SORCS1: variants seen among roughly 807,000 people sequenced by gnomAD.
SORCS1 encodes the protein sortilin related VPS10 domain containing receptor 1.
SORCS1 carries 60 observed loss-of-function variants against 146.1 expected under a neutral mutation model. That is an observed-to-expected ratio of 0.41 (90% confidence interval 0.33 to 0.51). The LOEUF is 0.51. SORCS1 is among the 20% of genes least tolerant of loss of function. The pLI, the probability that SORCS1 is intolerant of heterozygous loss-of-function variation, is 0.21. For synonymous variants in SORCS1, 637 were observed against 584.0 expected, an observed-to-expected ratio of 1.09 and a Z score of -1.31; for missense variants, 1,352 against 1,487.6, an observed-to-expected ratio of 0.91 and a Z score of 1.50.
chr10:106,666,723 ATTTT>A (rs540831679), intron 17 of SORCS1, among the ~76,000 whole-genome samples: 3 of 142,288 alleles, frequency 2.1e-5, no homozygotes, highest in Non-Finnish European at 4.6e-5. Context: ...TGTGCAGTTA[ATTTT>A]TTTTTTTTTT....
chr10:106,894,979 G>A (rs7893347), intron 2 of SORCS1, among the ~76,000 whole-genome samples: 8,255 of 152,192 alleles, frequency 0.054, 604 homozygotes, highest in African/African-American at 0.16. Context: ...CAACATATTA[G>A]CTTTTTTCAT....
chr10:106,953,923 G>A (rs546973201), intron 2 of SORCS1, among the ~76,000 whole-genome samples: 37 of 152,252 alleles, frequency 2.4e-4, no homozygotes, highest in Non-Finnish European at 4.4e-4. Flanking sequence ...CAGGTCATTC[G>A]CGCCACACTT....
chr10:106,914,996 G>T (rs920736284), intron 2 of SORCS1, among the ~76,000 whole-genome samples: 2 of 152,184 alleles, frequency 1.3e-5, no homozygotes, highest in East Asian at 3.8e-4. Context: ...GACTGTGACT[G>T]GGGCAAGACA....
In SORCS1 at chr10:106,741,685, C is replaced by T. The variant is rs541758145; in HGVS notation, c.960-11571G>A. Among the ~76,000 whole-genome samples, 9 of 152,060 alleles carry T rather than the reference C, an allele frequency of 5.9e-5. No homozygotes were observed. The South Asian group carries it at 6.2e-4, about 11-fold the overall frequency. ...TCCTGACATTTCAACATCCTGCAAG[C>T]GTTAAGTGTATTGGCATACATGAGC... On this transcript the variant is annotated intron_variant, in intron 5 of 25. Coordinates refer to ENST00000263054, the MANE Select transcript of SORCS1 (RefSeq NM_052918.5).
chr10:107,033,227 G>A (rs570791989), intron 1 of SORCS1, among the ~76,000 whole-genome samples: 81 of 152,236 alleles, frequency 5.3e-4, no homozygotes, highest in African/African-American at 1.4e-3. Flanking sequence ...AGCAGATCTC[G>A]TGAGAACTCA....
At chr10:106,605,157 T>C (rs1221330766) in intron 23 of SORCS1, among the ~76,000 whole-genome samples, 2 of 152,244 alleles carry the variant, frequency 1.3e-5, no homozygotes, top group African/African-American at 4.8e-5. Context: ...CAATGACTGA[T>C]ACAGTCTGCC....
At chr10:106,589,706 A>G (rs901840686) in intron 24 of SORCS1, among the ~76,000 whole-genome samples, 1 of 151,620 alleles carries the variant, frequency 6.6e-6, no homozygotes, top group African/African-American at 2.4e-5. Flanking sequence ...CGAAAAAAAA[A>G]AAAAAAAAAA....
chr10:106,771,937 G>A (rs1029242816), intron 4 of SORCS1, among the ~76,000 whole-genome samples: 10 of 152,144 alleles, frequency 6.6e-5, no homozygotes, highest in Non-Finnish European at 1.2e-4. Flanking sequence ...TTTCCTTTCA[G>A]TCATTCTAGT....
At chr10:106,907,215 T>C (rs536914051) in intron 2 of SORCS1, among the ~76,000 whole-genome samples, 2 of 152,198 alleles carry the variant, frequency 1.3e-5, no homozygotes, top group Non-Finnish European at 2.9e-5. Context: ...ATCCCAGTAT[T>C]ACATACAGTA....
rs150944932 is a variant in SORCS1 at position 107,069,378 on chromosome 10, C to A, written c.558+94591G>T. The stretch of plus-strand genomic sequence containing the variant: ...ATTTTCTTTTCTTTTCCTTTTTTTT[C>A]TTTTTTCTTTTTTTTAGACGGAGTT... On this transcript the variant is annotated intron_variant, in intron 1 of 25. Coordinates refer to ENST00000263054, the MANE Select transcript of SORCS1 (RefSeq NM_052918.5). Among the ~76,000 whole-genome samples the A allele has an allele frequency of 3.7e-3, 554 of 151,354 alleles. 4 individuals carry two copies. Among genetic ancestry groups the A allele is most frequent in the African/African-American group, 0.012 (510 of 41,234 alleles).
At chr10:106,693,976 C>G (rs1239502884) in intron 9 of SORCS1, among the ~76,000 whole-genome samples, 1 of 151,848 alleles carries the variant, frequency 6.6e-6, no homozygotes, top group Non-Finnish European at 1.5e-5. Flanking sequence ...ATCCTAAGTG[C>G]CAAAATTTCA....
intron 1 of SORCS1, among the ~76,000 whole-genome samples, chr10:107,078,617 AT>A (rs1019953081): frequency 6.6e-6 from 1 of 151,972 alleles, no homozygotes; most frequent in African/African-American, 2.4e-5. Flanking sequence ...TCTTCTTTTC[AT>A]TTTTCTCCCA....
intron 2 of SORCS1, among the ~76,000 whole-genome samples, chr10:106,942,339 T>C (rs555409879): frequency 6.6e-6 from 1 of 152,310 alleles, no homozygotes; most frequent in Admixed American, 6.5e-5. Flanking sequence ...CAAGACCTCT[T>C]ATCTACCACT....
chr10:106,954,260 G>A (rs978625429), intron 2 of SORCS1, among the ~76,000 whole-genome samples: 1 of 152,084 alleles, frequency 6.6e-6, no homozygotes, highest in Non-Finnish European at 1.5e-5. Flanking sequence ...TACTTTATAT[G>A]GAAAATGCAC....
At chr10:106,700,281 T>G (rs754336839) in intron 8 of SORCS1, among the ~76,000 whole-genome samples, 4 of 152,144 alleles carry the variant, frequency 2.6e-5, no homozygotes, top group Non-Finnish European at 4.4e-5. Context: ...AGAAGTACAA[T>G]GGAAGCTACC....
intron 3 of SORCS1, among the ~76,000 whole-genome samples, chr10:106,796,028 T>C (rs1946537932): frequency 6.6e-6 from 1 of 152,220 alleles, no homozygotes; most frequent in South Asian, 2.1e-4. Flanking sequence ...AATCAAATTT[T>C]AGTGAATCAA....
At chr10:107,023,868 G>T (rs189630469) in intron 1 of SORCS1, among the ~76,000 whole-genome samples, 3 of 152,022 alleles carry the variant, frequency 2.0e-5, no homozygotes, top group East Asian at 3.9e-4. Context: ...GTTTATTTGT[G>T]TTGCTCTAAA....
chr10:107,055,549 A>T (rs1960540830), intron 1 of SORCS1, among the ~76,000 whole-genome samples: 1 of 152,252 alleles, frequency 6.6e-6, no homozygotes, highest in African/African-American at 2.4e-5. Flanking sequence ...TGCTCTGGGC[A>T]CATGAGTGCT....
chr10:107,027,314 G>A (rs1201194099), intron 1 of SORCS1, among the ~76,000 whole-genome samples: 1 of 151,920 alleles, frequency 6.6e-6, no homozygotes, highest in Non-Finnish European at 1.5e-5. Context: ...ACTGAGGGAT[G>A]AGTAGGGTGA....
Sources: allele counts gnomAD v4.1 joint callset (sites outside exome capture counted in the v4.1 genomes callset), GRCh38; gene constraint gnomAD v4.1.1; transcripts MANE v1.5; gene names NCBI Gene and HGNC (gene_info 2026-07-23, HGNC 2026-07-21).